ERCC6: variants seen among roughly 807,000 people sequenced by gnomAD.
ERCC6 encodes DNA excision repair protein ERCC-6.
A neutral mutation model predicts 158.7 loss-of-function variants in ERCC6; 116 were observed. That is an observed-to-expected ratio of 0.73 (90% CI 0.63 to 0.85). The LOEUF (loss-of-function observed/expected upper bound fraction) is 0.85, where lower values mean the gene tolerates loss of function less well. Ranked by LOEUF, ERCC6 falls within the 40% of genes least tolerant of loss-of-function variation. The pLI is 0.00. For synonymous variants in ERCC6, 678 were observed against 659.3 expected (o/e 1.03, Z -0.43); for missense variants, 1,698 against 1,799.4 (o/e 0.94, Z 1.02).
intron 2 of ERCC6, among the ~76,000 whole-genome samples, chr10:49,532,290 C>T (rs950170918): frequency 3.9e-5 from 6 of 152,146 alleles, no homozygotes; most frequent in Non-Finnish European, 8.8e-5. Flanking sequence ...CAGCCCTTCT[C>T]TTCTGGACAT....
At chr10:49,500,827 G>T in intron 6 of ERCC6, 131 bp from the exon 7 acceptor site, 1 of 915,030 alleles carries the variant, frequency 1.1e-6, no homozygotes, top group Non-Finnish European at 1.7e-6. Flanking sequence ...TGCGGGATGT[G>T]TGTTTTACAT....
intron 4 of ERCC6, among the ~76,000 whole-genome samples, chr10:49,525,912 CCT>C (rs1284881062): frequency 1.3e-5 from 2 of 151,462 alleles, no homozygotes; most frequent in Admixed American, 1.3e-4. Flanking sequence ...ATGTTTGTGC[CCT>C]GTGTCCACCT....
At chr10:49,445,038 C>A in the ERCC6 span, among the ~76,000 whole-genome samples, 15 of 152,090 alleles carry the variant, frequency 9.9e-5, no homozygotes, top group Non-Finnish European at 1.3e-4. Context: ...AAAACAACAA[C>A]AAAAAAACAC....
chr10:49,534,424 A>AT (rs1441061931), intron 1 of ERCC6, among the ~76,000 whole-genome samples: 2 of 152,250 alleles, frequency 1.3e-5, no homozygotes, highest in Non-Finnish European at 2.9e-5. Flanking sequence ...AGTGCAGCAC[A>AT]TTTTTAATAG....
chr10:49,462,940 C>T (rs115848378), intron 18 of ERCC6, among the ~76,000 whole-genome samples: 84 of 152,314 alleles, frequency 5.5e-4, no homozygotes, highest in African/African-American at 1.9e-3. Flanking sequence ...TATGTGTTTA[C>T]CTTTTGATCT....
In ERCC6 at chr10:49,505,706, T is replaced by C. The variant is rs113768084; in HGVS notation, c.1526+178A>G. On this transcript the variant is annotated intron_variant, in intron 6 of 20. Transcript: ENST00000355832. The stretch of plus-strand genomic sequence containing the variant: ...AATGCACATTTTAGTCAACTTATTA[T>C]CATCCAATTTTAATGAACAGCACGT... 117 of 672,820 alleles carry C rather than the reference T, an allele frequency of 1.7e-4. 1 individual carries two copies. The African/African-American group carries it at 1.8e-3, about 10-fold the overall frequency. The allele number at this position is 672,820 out of a possible 1,614,324, so 41.7% of individuals were successfully genotyped here.
At chr10:49,447,920 TTTTG>T in the ERCC6 span, among the ~76,000 whole-genome samples, 10 of 152,182 alleles carry the variant, frequency 6.6e-5, no homozygotes, top group African/African-American at 2.2e-4. Context: ...ATAGACCACA[TTTTG>T]TTTATCTATT....
rs1340698926 is a variant in ERCC6, at chr10:49,457,565, G to C, written c.*1250C>G. 3.3e-5 allele frequency: 5 copies of C among 152,210 alleles called. No individual in the cohort carries two copies. In the East Asian group the frequency reaches 9.6e-4, roughly 29 times the overall value. The allele number at this position is 152,210 out of a possible 1,614,324, so 9.4% of individuals were successfully genotyped here. On this transcript the variant is annotated 3_prime_UTR_variant, in exon 21 of 21. Transcript: ENST00000355832. ...GGACACAGCTATCCATGTTAAGCAT[G>C]AGAGAGATGTAAAGAAATAGCAGGG... is the stretch of plus-strand genomic sequence containing the variant.
At position 49,528,501 on chromosome 10, in the gene ERCC6, C is replaced by T; in HGVS notation, c.568G>A (p.Ala190Thr). The T allele has an allele frequency of 6.2e-7, 1 of 1,614,100 alleles. No homozygotes were observed. Among genetic ancestry groups the T allele is most frequent in the Non-Finnish European group, 8.5e-7 (1 of 1,180,004 alleles). ...NKEQQLKKIT[A>T]KQKHLQAILG... ...ATGGCCTGGAGATGCTTTTGTTTTG[C>T]AGTGATCTTTTTTAGCTGTTGTTCC... Residue 190 changes from alanine to threonine, a missense_variant, in exon 4 of 21, where the codon GCA becomes ACA. Coordinates refer to ENST00000355832, the MANE Select transcript of ERCC6 (RefSeq NM_000124.4).
chr10:49,494,069 G>A (rs912941102), intron 7 of ERCC6, among the ~76,000 whole-genome samples: 12 of 152,156 alleles, frequency 7.9e-5, no homozygotes, highest in African/African-American at 2.4e-4. Flanking sequence ...AGAAAAAGTG[G>A]GTGCTACCTA....
intron 3 of ERCC6, among the ~76,000 whole-genome samples, chr10:49,529,264 C>T (rs1837413714): frequency 6.6e-6 from 1 of 152,218 alleles, no homozygotes; most frequent in African/African-American, 2.4e-5. Context: ...AACATAAATG[C>T]CACACTGCAA....
intron 8 of ERCC6, among the ~76,000 whole-genome samples, chr10:49,489,345 T>C (rs1210639130): frequency 1.3e-5 from 2 of 152,174 alleles, no homozygotes; most frequent in African/African-American, 4.8e-5. Context: ...TGAGTAAATG[T>C]TACCTATTAG....
intron 18 of ERCC6, among the ~76,000 whole-genome samples, chr10:49,463,053 G>C (rs777051514): frequency 6.6e-6 from 1 of 152,208 alleles, no homozygotes; most frequent in Admixed American, 6.5e-5. Context: ...CTGTGGTACA[G>C]GTTGAATATC....
intron 8 of ERCC6, among the ~76,000 whole-genome samples, chr10:49,484,690 T>C (rs1851046652): frequency 6.6e-6 from 1 of 152,204 alleles, no homozygotes; most frequent in Admixed American, 6.5e-5. Flanking sequence ...CAGTGAGCTA[T>C]AATCTCACCA....
At chr10:49,438,025 G>A in the ERCC6 span, among the ~76,000 whole-genome samples, 1 of 152,000 alleles carries the variant, frequency 6.6e-6, no homozygotes, top group Non-Finnish European at 1.5e-5. Flanking sequence ...ATTGTTTTTT[G>A]TTTGTATTAT....
At chr10:49,479,465 GAAT>G (rs758425348) in intron 10 of ERCC6, among the ~76,000 whole-genome samples, 19 of 152,034 alleles carry the variant, frequency 1.2e-4, no homozygotes, top group Non-Finnish European at 2.4e-4. Context: ...GCTTTACTTT[GAAT>G]AATACATAAA....
the ERCC6 span, among the ~76,000 whole-genome samples, chr10:49,445,032 C>A: frequency 2.1e-3 from 312 of 152,026 alleles, 1 homozygote; most frequent in African/African-American, 7.0e-3. Context: ...TTAAAAAAAA[C>A]AACAACAAAA....
intron 5 of ERCC6, chr10:49,516,254 C>T (rs1488011777): frequency 6.2e-7 from 1 of 1,614,010 alleles, no homozygotes; most frequent in African/African-American, 1.3e-5. Context: ...TGGGCTTTCC[C>T]CGAATAAATT....
At chr10:49,444,731 A>G in the ERCC6 span, among the ~76,000 whole-genome samples, 1 of 152,236 alleles carries the variant, frequency 6.6e-6, no homozygotes, top group Admixed American at 6.5e-5. Flanking sequence ...TGTAATTCCT[A>G]TGTTACAGGA....
Sources: gnomAD v4.1 joint callset for allele counts (sites outside exome capture counted in the v4.1 genomes callset) on GRCh38, gnomAD v4.1.1 for gene constraint, MANE v1.5 for transcripts, NCBI Gene and HGNC (gene_info 2026-07-23, HGNC 2026-07-21) for gene names.